Variants in RBMS3 observed in about 807,000 individuals in gnomAD.
The protein encoded by RBMS3 is RNA binding motif single stranded interacting protein 3.
A neutral mutation model predicts 66.8 loss-of-function variants in RBMS3; 27 were observed. The ratio of observed to expected loss-of-function variants is 0.40; its 90% CI spans 0.30 to 0.56. The LOEUF (loss-of-function observed/expected upper bound fraction) is 0.56, where lower values mean the gene tolerates loss of function less well. Ranked by LOEUF, RBMS3 falls within the 20% of genes least tolerant of loss-of-function variation. The pLI, the probability that RBMS3 is intolerant of heterozygous loss-of-function variation, is 0.40. For synonymous variants in RBMS3, 188 were observed against 183.0 expected (o/e 1.03, Z -0.22); for missense variants, 513 against 549.5 (o/e 0.93, Z 0.66).
chr3:29,809,854 G>A (rs564266628), intron 6 of RBMS3, among the ~76,000 whole-genome samples: 5 of 152,038 alleles, frequency 3.3e-5, no homozygotes, highest in East Asian at 3.9e-4. Flanking sequence ...AATTTTAGAG[G>A]AAGGAAAAAA....
chr3:30,003,773 G>T, intron 14 of RBMS3, 83 bp from the exon 15 acceptor site: 1 of 974,932 alleles, frequency 1.0e-6, no homozygotes. Context: ...ATCTTTTAAA[G>T]CTGCCTCATT....
chr3:29,463,777 TC>T (rs2042449066), intron 2 of RBMS3, among the ~76,000 whole-genome samples: 1 of 152,072 alleles, frequency 6.6e-6, no homozygotes, highest in Admixed American at 6.6e-5. Context: ...CAGTCGACAC[TC>T]CCTGTTTCTT....
chr3:29,499,559 T>C (rs1195715532), intron 3 of RBMS3, among the ~76,000 whole-genome samples: 1 of 152,168 alleles, frequency 6.6e-6, no homozygotes, highest in African/African-American at 2.4e-5. Flanking sequence ...TATAATTTTC[T>C]CCTTGAGTTG....
chr3:29,593,809 A>G (rs2047849955), intron 4 of RBMS3, among the ~76,000 whole-genome samples: 1 of 152,228 alleles, frequency 6.6e-6, no homozygotes, highest in Non-Finnish European at 1.5e-5. Flanking sequence ...GCACTGAGCC[A>G]AACAAAGTTT....
intron 1 of RBMS3, among the ~76,000 whole-genome samples, chr3:29,420,984 G>C (rs2040700694): frequency 6.7e-6 from 1 of 148,736 alleles, no homozygotes; most frequent in African/African-American, 2.4e-5. Flanking sequence ...GTGGTGGCGG[G>C]CGCCTGTAGT....
intron 3 of RBMS3, among the ~76,000 whole-genome samples, chr3:29,530,380 C>A (rs1667973984): frequency 6.6e-6 from 1 of 151,660 alleles, no homozygotes; most frequent in South Asian, 2.1e-4. Context: ...GTAATAGCTA[C>A]CAAAGAAAAT....
At chr3:29,811,086 C>A (rs1026288341) in intron 6 of RBMS3, among the ~76,000 whole-genome samples, 4 of 152,108 alleles carry the variant, frequency 2.6e-5, no homozygotes, top group African/African-American at 9.7e-5. Context: ...AGTCTAAATC[C>A]TGTGGTACTG....
intron 6 of RBMS3, among the ~76,000 whole-genome samples, chr3:29,791,913 C>T (rs2057024605): frequency 1.3e-5 from 2 of 152,030 alleles, no homozygotes; most frequent in Non-Finnish European, 2.9e-5. Flanking sequence ...ATCATTATTA[C>T]CAACTTATTT....
At chr3:29,338,308 A>C (rs2036072335) in intron 1 of RBMS3, among the ~76,000 whole-genome samples, 1 of 152,196 alleles carries the variant, frequency 6.6e-6, no homozygotes, top group African/African-American at 2.4e-5. Context: ...AGTTATATAA[A>C]AGCAAATAAA....
intron 2 of RBMS3, among the ~76,000 whole-genome samples, chr3:29,470,954 G>A (rs1038444148): frequency 6.6e-6 from 1 of 152,128 alleles, no homozygotes; most frequent in Non-Finnish European, 1.5e-5. Flanking sequence ...GCTTGTTTGT[G>A]TGTGTAACTT....
chr3:29,726,758 A>G (rs964891047), intron 4 of RBMS3, among the ~76,000 whole-genome samples: 1 of 152,190 alleles, frequency 6.6e-6, no homozygotes, highest in Non-Finnish European at 1.5e-5. Context: ...AAGAATCAAT[A>G]TAATGAAAAT....
intron 3 of RBMS3, among the ~76,000 whole-genome samples, chr3:29,502,098 C>T (rs374084631): frequency 6.6e-6 from 1 of 152,028 alleles, no homozygotes. Flanking sequence ...AATTAGAATG[C>T]CTTTTAGCGG....
chr3:29,808,327 GCTT>G (rs2057622026), intron 6 of RBMS3, among the ~76,000 whole-genome samples: 1 of 151,778 alleles, frequency 6.6e-6, no homozygotes. Context: ...ACCCAATTTG[GCTT>G]CTTCTCTTTT....
intron 4 of RBMS3, among the ~76,000 whole-genome samples, chr3:29,659,037 T>G (rs2050428199): frequency 6.6e-6 from 1 of 152,156 alleles, no homozygotes; most frequent in Non-Finnish European, 1.5e-5. Context: ...CAGGATGGTC[T>G]TGATCTCCTG....
At chr3:29,613,419 C>T (rs2048558576) in intron 4 of RBMS3, among the ~76,000 whole-genome samples, 2 of 152,046 alleles carry the variant, frequency 1.3e-5, no homozygotes, top group Admixed American at 1.3e-4. Context: ...GTTCATTTTG[C>T]AATGGGTCAC....
chr3:29,369,189 A>T (rs1575634985), intron 1 of RBMS3, among the ~76,000 whole-genome samples: 8 of 152,144 alleles, frequency 5.3e-5, no homozygotes, highest in Admixed American at 3.9e-4. Context: ...GAGGGAGAGG[A>T]TCAGGAAGAA....
rs1439139783 is a variant in RBMS3, at chr3:29,377,020, C to T, written c.76-57723C>T. On this transcript the variant is annotated intron_variant, in intron 1 of 14. Transcript: ENST00000383767. ...AGGAAAATCACTTGAGTCTGGGAGG[C>T]GGAGGTTGAAGTGAGCCAAGATCAT... 2.6e-5 allele frequency among the ~76,000 whole-genome samples: 4 copies of T among 151,022 alleles called. No homozygotes were observed. In the East Asian group the frequency reaches 7.8e-4, roughly 29 times the overall value.
chr3:29,378,626 T>A (rs1179518966), intron 1 of RBMS3, among the ~76,000 whole-genome samples: 1 of 152,164 alleles, frequency 6.6e-6, no homozygotes, highest in Non-Finnish European at 1.5e-5. Context: ...GCCAGGCAAG[T>A]AGTATTAGCT....
At chr3:29,985,669 G>C (rs1398938357) in intron 12 of RBMS3, among the ~76,000 whole-genome samples, 1 of 152,056 alleles carries the variant, frequency 6.6e-6, no homozygotes, top group African/African-American at 2.4e-5. Flanking sequence ...CACCCTCCTT[G>C]GGCTGCACCC....
Sources: gnomAD v4.1 joint callset for allele counts (sites outside exome capture counted in the v4.1 genomes callset) on GRCh38, gnomAD v4.1.1 for gene constraint, MANE v1.5 for transcripts, NCBI Gene and HGNC (gene_info 2026-07-23, HGNC 2026-07-21) for gene names.